MYRIP: variants seen among roughly 807,000 people sequenced by gnomAD.
MYRIP encodes the protein myosin VIIA and Rab interacting protein.
A neutral mutation model predicts 98.0 loss-of-function variants in MYRIP; 49 were observed. That is an observed-to-expected ratio of 0.50 (90% CI 0.40 to 0.63). The LOEUF (loss-of-function observed/expected upper bound fraction) is 0.63. Among genes scored for constraint, MYRIP ranks in the 30% least tolerant of loss-of-function variants. The probability of loss-of-function intolerance (pLI) is 0.00; values close to 1 mark genes in which losing one functional copy is unlikely to be tolerated. For synonymous variants in MYRIP, 404 were observed against 409.5 expected, an observed-to-expected ratio of 0.99 and a Z score of 0.16; for missense variants, 1,004 against 1,058.2, an observed-to-expected ratio of 0.95 and a Z score of 0.71.
intron 10 of MYRIP, among the ~76,000 whole-genome samples, chr3:40,199,679 A>G (rs1465972945): frequency 6.6e-6 from 1 of 152,166 alleles, no homozygotes; most frequent in Non-Finnish European, 1.5e-5. Context: ...CGAAAGGGTA[A>G]TCATTCCCCT....
chr3:39,894,467 T>C (rs1039252147), intron 1 of MYRIP, among the ~76,000 whole-genome samples: 3 of 152,242 alleles, frequency 2.0e-5, no homozygotes, highest in Non-Finnish European at 2.9e-5. Context: ...TATTGCTGTG[T>C]AGTGTTCCCG....
chr3:39,812,138 T>C (rs1194345717), intron 1 of MYRIP, among the ~76,000 whole-genome samples: 1 of 152,218 alleles, frequency 6.6e-6, no homozygotes, highest in Non-Finnish European at 1.5e-5. Flanking sequence ...TGAGCACACC[T>C]GTGTAACCAG....
At chr3:40,067,623 C>G (rs1036962326) in intron 3 of MYRIP, among the ~76,000 whole-genome samples, 1 of 152,048 alleles carries the variant, frequency 6.6e-6, no homozygotes, top group South Asian at 2.1e-4. Context: ...AGGTATTGTA[C>G]TCAGAATGAA....
chr3:39,840,727 G>C lies in MYRIP; in HGVS notation c.-31+30811G>C, dbSNP rs1364753606. Among the ~76,000 whole-genome samples, 4 of 152,180 alleles carry C rather than the reference G, an allele frequency of 2.6e-5. No individual in the cohort carries two copies. In the East Asian group the frequency reaches 7.7e-4, roughly 29 times the overall value. On this transcript the variant is annotated intron_variant, in intron 1 of 16. Coordinates refer to ENST00000302541, the MANE Select transcript of MYRIP (RefSeq NM_015460.4). ...ATTTCTCCTCCACTTATGAAGCTTA[G>C]TTAGGCTGGTTATGAAATTCTGGGT...
At chr3:40,077,360 C>T (rs1473354134) in intron 3 of MYRIP, among the ~76,000 whole-genome samples, 1 of 152,168 alleles carries the variant, frequency 6.6e-6, no homozygotes, top group African/African-American at 2.4e-5. Context: ...ATTGGTAGAG[C>T]CTAGTGGTCT....
chr3:40,100,424 A>G (rs1315465163), intron 3 of MYRIP, among the ~76,000 whole-genome samples: 1 of 152,206 alleles, frequency 6.6e-6, no homozygotes, highest in African/African-American at 2.4e-5. Flanking sequence ...TTGCATATGC[A>G]TATCTGTGCA....
intron 2 of MYRIP, among the ~76,000 whole-genome samples, chr3:39,955,440 G>A (rs2125723624): frequency 6.6e-6 from 1 of 152,230 alleles, no homozygotes; most frequent in Admixed American, 6.5e-5. Flanking sequence ...CTTCATAAAT[G>A]AAGGAGAAAT....
At chr3:40,042,653 A>G (rs950409384) in intron 2 of MYRIP, among the ~76,000 whole-genome samples, 2 of 152,188 alleles carry the variant, frequency 1.3e-5, no homozygotes, top group Non-Finnish European at 2.9e-5. Context: ...TAAAAAAAGT[A>G]ATAAAGTAAA....
chr3:39,900,821 G>A lies in MYRIP; in HGVS notation c.5G>A (p.Gly2Glu). 3 of 1,613,260 alleles carry A rather than the reference G, an allele frequency of 1.9e-6. No individual in the cohort carries two copies. In the Admixed American group the frequency reaches 5.0e-5, roughly 27 times the overall value. ...CATCATCTGTGTTGAGTAACCATGG[G>A]GAGGAAGCTGGACCTGTCTGGTTTG... M[G>E]RKLDLSGLTD... Residue 2 changes from glycine to glutamate, a missense_variant, in exon 2 of 17, where the codon GGG becomes GAG. Gly to Glu is a moderately conservative substitution (Grantham distance 98). This residue lies in a region of MYRIP where 880 missense variants were observed against 907.7 expected (regional missense o/e 0.97). Coordinates refer to ENST00000302541, the MANE Select transcript of MYRIP (RefSeq NM_015460.4).
At chr3:40,054,040 A>G (rs1248664229) in intron 3 of MYRIP, among the ~76,000 whole-genome samples, 1 of 152,122 alleles carries the variant, frequency 6.6e-6, no homozygotes, top group Non-Finnish European at 1.5e-5. Context: ...GGCTGCCTTA[A>G]GTTCATCTTA....
chr3:39,958,156 C>A (rs1303162078), intron 2 of MYRIP, among the ~76,000 whole-genome samples: 1 of 152,180 alleles, frequency 6.6e-6, no homozygotes, highest in Non-Finnish European at 1.5e-5. Flanking sequence ...CAATGACTTT[C>A]TTCACAGAAT....
intron 2 of MYRIP, among the ~76,000 whole-genome samples, chr3:39,926,559 C>T (rs1366782848): frequency 6.6e-6 from 1 of 152,036 alleles, no homozygotes; most frequent in Non-Finnish European, 1.5e-5. Context: ...TATGGCTAGG[C>T]AGCTATTCCA....
intron 1 of MYRIP, among the ~76,000 whole-genome samples, chr3:39,822,708 A>G (rs1941138904): frequency 6.6e-6 from 1 of 152,144 alleles, no homozygotes; most frequent in Non-Finnish European, 1.5e-5. Flanking sequence ...CCCAGCCTCT[A>G]GTATCCTCTG....
At chr3:39,896,478 T>C (rs895913437) in intron 1 of MYRIP, among the ~76,000 whole-genome samples, 1 of 152,222 alleles carries the variant, frequency 6.6e-6, no homozygotes, top group Non-Finnish European at 1.5e-5. Context: ...TCTCTCATTA[T>C]TAGTGTTGTT....
chr3:40,194,527 G>T (rs565385001), intron 10 of MYRIP, among the ~76,000 whole-genome samples: 24 of 151,864 alleles, frequency 1.6e-4, no homozygotes, highest in Non-Finnish European at 3.4e-4. Context: ...AGAAAATGAT[G>T]ATATCATTTT....
intron 3 of MYRIP, among the ~76,000 whole-genome samples, chr3:40,094,327 G>T (rs1948783655): frequency 1.3e-5 from 2 of 150,144 alleles, no homozygotes; most frequent in African/African-American, 4.9e-5. Flanking sequence ...TGAATAAATG[G>T]AGACTAAGAG....
chr3:40,031,235 G>C (rs1947253620), intron 2 of MYRIP, among the ~76,000 whole-genome samples: 2 of 152,148 alleles, frequency 1.3e-5, no homozygotes, highest in South Asian at 4.1e-4. Flanking sequence ...CGGCCCTGGA[G>C]TCCCATATAT....
chr3:39,993,309 T>A (rs1946226632), intron 2 of MYRIP, among the ~76,000 whole-genome samples: 1 of 152,194 alleles, frequency 6.6e-6, no homozygotes, highest in Non-Finnish European at 1.5e-5. Context: ...TTAATACAGT[T>A]ACAATGATGA....
intron 2 of MYRIP, among the ~76,000 whole-genome samples, chr3:39,906,085 C>CTATCATGAT (rs1229457757): frequency 6.6e-6 from 1 of 151,924 alleles, no homozygotes; most frequent in Non-Finnish European, 1.5e-5. Flanking sequence ...ATGAGTCCTT[C>CTATCATGAT]TATCATGATT....
Sources: gnomAD v4.1 joint callset for allele counts (sites outside exome capture counted in the v4.1 genomes callset) on GRCh38, gnomAD v4.1.1 for gene constraint, gnomAD v4.1.1 regional missense constraint, MANE v1.5 for transcripts, NCBI Gene and HGNC (gene_info 2026-07-23, HGNC 2026-07-21) for gene names.